The following CASR variants were observed in gnomAD, a reference collection of about 807,000 sequenced individuals.
The protein encoded by CASR is calcium sensing receptor, also known as extracellular calcium-sensing receptor.
CASR carries 23 observed loss-of-function variants against 69.1 expected under a neutral mutation model. That is an observed-to-expected ratio of 0.33 (90% CI 0.24 to 0.47). CASR has a LOEUF of 0.47. Ranked by LOEUF, CASR falls within the 20% of genes least tolerant of loss-of-function variation. The probability of loss-of-function intolerance (pLI) is 1.00; values close to 1 mark genes in which losing one functional copy is unlikely to be tolerated. For missense variants in CASR, 924 were observed against 1,356.1 expected, an observed-to-expected ratio of 0.68 and a Z score of 5.00; for synonymous variants, 541 against 544.7, an observed-to-expected ratio of 0.99 and a Z score of 0.10.
In CASR at chr3:122,285,732, G is replaced by A. The variant is rs2074962109; in HGVS notation, c.*541G>A. 1 of 174,474 alleles carries A rather than the reference G, an allele frequency of 5.7e-6. No homozygotes were observed. The highest frequency in any genetic ancestry group is 1.3e-5 in the Non-Finnish European group (1 of 79,540). The allele number at this position is 174,474 out of a possible 1,614,324, so 10.8% of individuals were successfully genotyped here. ...TGCTGCTGCTATTATGTAACATCCA[G>A]AAGGTTTGCACCCCTCCTATACCAT... is the stretch of plus-strand genomic sequence containing the variant. On this transcript the variant is annotated 3_prime_UTR_variant, in exon 7 of 7. Transcript: ENST00000639785.
chr3:122,248,608 A>ATTTT (rs539049283), intron 1 of CASR, among the ~76,000 whole-genome samples: 263 of 141,694 alleles, frequency 1.9e-3, no homozygotes, highest in African/African-American at 6.2e-3. Context: ...GCAACCTAGA[A>ATTTT]TTTTTTTTTT....
intron 1 of CASR, among the ~76,000 whole-genome samples, chr3:122,193,204 G>GTGTTTGTTTGTT (rs35728846): frequency 2.8e-5 from 4 of 140,358 alleles, no homozygotes; most frequent in African/African-American, 5.3e-5. Context: ...TTTTTTGTTT[G>GTGTTTGTTTGTT]TGTTTGTTTG....
At chr3:122,222,100 A>T (rs1011791481) in intron 1 of CASR, among the ~76,000 whole-genome samples, 5 of 152,248 alleles carry the variant, frequency 3.3e-5, no homozygotes, top group Admixed American at 6.5e-5. Flanking sequence ...TTTCTGGAAT[A>T]GCCTCTAAAA....
intron 1 of CASR, among the ~76,000 whole-genome samples, chr3:122,205,356 G>T (rs992652876): frequency 6.6e-6 from 1 of 151,946 alleles, no homozygotes; most frequent in African/African-American, 2.4e-5. Context: ...TTGTATGTTT[G>T]TGGCACCTTT....
chr3:122,290,284 T>C lies in CASR; in HGVS notation c.*5093T>C, dbSNP rs560755147. 12 of 152,150 alleles carry C rather than the reference T, an allele frequency of 7.9e-5. No individual in the cohort carries two copies. Among genetic ancestry groups the C allele is most frequent in the Middle Eastern group, 3.4e-3 (1 of 294 alleles). 9.4% of individuals were successfully genotyped at this position (152,150 alleles called of 1,614,324 possible). ...CAAATATTTTCAAGTTTGGTGAAAA[T>C]AGGTAAGAGATCAAAGCCCAAGAAT... On this transcript the variant is annotated 3_prime_UTR_variant, in exon 7 of 7. Transcript: ENST00000639785.
intron 1 of CASR, among the ~76,000 whole-genome samples, chr3:122,195,687 C>CCTTTAGTCAGGTTAAG (rs1239667107): frequency 1.3e-5 from 2 of 152,196 alleles, no homozygotes; most frequent in African/African-American, 4.8e-5. Context: ...CATGGGGAAA[C>CCTTTAGTCAGGTTAAG]TGAACTTTAG....
intron 1 of CASR, among the ~76,000 whole-genome samples, chr3:122,203,333 T>C (rs2073975890): frequency 6.6e-6 from 1 of 152,144 alleles, no homozygotes; most frequent in African/African-American, 2.4e-5. Flanking sequence ...AAAAATGCGT[T>C]GTTAGGTGAT....
rs1472803203 is a variant in CASR, at chr3:122,285,605, T to C, written c.*414T>C. On this transcript the variant is annotated 3_prime_UTR_variant, in exon 7 of 7. Transcript: ENST00000639785. ...CTGAAAGACAGAATGTCACCAGTCC[T>C]GCCCAATGCCTTGACAACAGACTGA... 1 of 216,574 alleles carries C rather than the reference T, an allele frequency of 4.6e-6. No homozygotes were observed. Among genetic ancestry groups the C allele is most frequent in the Non-Finnish European group, 9.3e-6 (1 of 106,996 alleles). The allele number at this position is 216,574 out of a possible 1,614,324, so 13.4% of individuals were successfully genotyped here. A position where few individuals can be genotyped will look rare whatever the true frequency, so the allele number is the denominator to read the frequency against.
At chr3:122,248,226 G>A (rs1041923028) in intron 1 of CASR, among the ~76,000 whole-genome samples, 5 of 152,186 alleles carry the variant, frequency 3.3e-5, no homozygotes, top group African/African-American at 9.7e-5. Flanking sequence ...AGGGATGGCC[G>A]TATTGGTGAT....
At chr3:122,190,050 T>C (rs1294575763) in intron 1 of CASR, among the ~76,000 whole-genome samples, 1 of 152,086 alleles carries the variant, frequency 6.6e-6, no homozygotes, top group Non-Finnish European at 1.5e-5. Context: ...TGAGAGAGAC[T>C]GGGTAGGAAG....
intron 1 of CASR, among the ~76,000 whole-genome samples, chr3:122,226,546 T>G (rs934585643): frequency 1.3e-5 from 2 of 152,194 alleles, no homozygotes; most frequent in African/African-American, 2.4e-5. Flanking sequence ...TATTCTCTTA[T>G]CTGGCCCCAC....
At chr3:122,264,674 G>GGAAT (rs1345951405) in intron 4 of CASR, among the ~76,000 whole-genome samples, 1 of 152,180 alleles carries the variant, frequency 6.6e-6, no homozygotes, top group Admixed American at 6.5e-5. Flanking sequence ...ACTCTAGGGA[G>GGAAT]GAATGACATG....
chr3:122,249,071 AT>A (rs1189576413), intron 1 of CASR, among the ~76,000 whole-genome samples: 1 of 152,216 alleles, frequency 6.6e-6, no homozygotes, highest in East Asian at 1.9e-4. Context: ...CTGTCCAGGA[AT>A]TGCCCAACCA....
At chr3:122,263,940 C>T (rs1038415091) in intron 4 of CASR, among the ~76,000 whole-genome samples, 31 of 152,074 alleles carry the variant, frequency 2.0e-4, no homozygotes, top group Admixed American at 2.0e-3. Flanking sequence ...TTACCTCTCA[C>T]GTCCAATGCA....
intron 1 of CASR, among the ~76,000 whole-genome samples, chr3:122,240,148 G>C (rs1445658709): frequency 6.6e-6 from 1 of 152,178 alleles, no homozygotes; most frequent in Non-Finnish European, 1.5e-5. Flanking sequence ...CAACAGGAAA[G>C]AAGCATATAA....
At chr3:122,230,456 G>A (rs778850815) in intron 1 of CASR, among the ~76,000 whole-genome samples, 7 of 152,222 alleles carry the variant, frequency 4.6e-5, no homozygotes, top group Non-Finnish European at 8.8e-5. Context: ...CAGGAGCAGC[G>A]GGGGCGGGGA....
intron 1 of CASR, among the ~76,000 whole-genome samples, chr3:122,213,177 CTTTT>C (rs2074085249): frequency 3.9e-5 from 6 of 152,192 alleles, no homozygotes; most frequent in Non-Finnish European, 8.8e-5. Flanking sequence ...TTTTTGAATG[CTTTT>C]ACACCATCAC....
intron 1 of CASR, among the ~76,000 whole-genome samples, chr3:122,252,411 A>AGGT (rs1559954262): frequency 3.0e-4 from 9 of 29,588 alleles, no homozygotes; most frequent in African/African-American, 1.2e-3. Context: ...AGGAAGGAAA[A>AGGT]AGAAAGAAAG....
chr3:122,206,279 T>TA lies in CASR; in HGVS notation c.-243+22468dup, dbSNP rs1349437565. On this transcript the variant is annotated intron_variant, in intron 1 of 6. Transcript: ENST00000639785. ...CCAGTTTGATGAGGGTTTTTTTTTT[T>TA]ATCATAAAGATACGTTGAATTTTAT... 4.0e-5 allele frequency among the ~76,000 whole-genome samples: 6 copies of TA among 148,706 alleles called. No homozygotes were observed. In the East Asian group the frequency reaches 9.7e-4, roughly 24 times the overall value.
Sources: gnomAD v4.1 joint callset for allele counts (sites outside exome capture counted in the v4.1 genomes callset) on GRCh38, gnomAD v4.1.1 for gene constraint, MANE v1.5 for transcripts, NCBI Gene and HGNC (gene_info 2026-07-23, HGNC 2026-07-21) for gene names.